CNTNAP2: variants seen among roughly 807,000 people sequenced by gnomAD.
CNTNAP2 encodes contactin-associated protein-like 2.
CNTNAP2 carries 98 observed loss-of-function variants against 155.2 expected under a neutral mutation model. That is an observed-to-expected ratio of 0.63 (90% CI 0.54 to 0.75). The LOEUF (loss-of-function observed/expected upper bound fraction) is 0.75. Ranked by LOEUF, CNTNAP2 falls within the 30% of genes least tolerant of loss-of-function variation. CNTNAP2 has a pLI of 0.00. For missense variants in CNTNAP2, 1,727 were observed against 1,688.1 expected, an observed-to-expected ratio of 1.02 and a Z score of -0.40; for synonymous variants, 651 against 631.2, an observed-to-expected ratio of 1.03 and a Z score of -0.47.
intron 3 of CNTNAP2, among the ~76,000 whole-genome samples, chr7:146,919,663 G>A (rs1035311022): frequency 2.0e-5 from 3 of 152,142 alleles, no homozygotes; most frequent in Non-Finnish European, 4.4e-5. Flanking sequence ...GCTTTTGCTC[G>A]CCTCCAGCCA....
chr7:146,174,043 A>G (rs771206556), intron 1 of CNTNAP2, among the ~76,000 whole-genome samples: 5 of 151,976 alleles, frequency 3.3e-5, no homozygotes, highest in Non-Finnish European at 7.4e-5. Flanking sequence ...TATCTCTACA[A>G]AAAACAAAAA....
At chr7:146,504,498 C>G (rs966499110) in intron 1 of CNTNAP2, among the ~76,000 whole-genome samples, 13 of 152,194 alleles carry the variant, frequency 8.5e-5, no homozygotes, top group Admixed American at 7.2e-4. Context: ...CTATCAGGTT[C>G]TGCACTACCA....
chr7:147,022,914 T>C (rs967810536), intron 3 of CNTNAP2, among the ~76,000 whole-genome samples: 1 of 152,290 alleles, frequency 6.6e-6, no homozygotes, highest in East Asian at 1.9e-4. Context: ...TAATGAATTA[T>C]ATTTGGTGTT....
chr7:147,285,888 G>T (rs1202771209), intron 8 of CNTNAP2, among the ~76,000 whole-genome samples: 2 of 151,940 alleles, frequency 1.3e-5, no homozygotes, highest in African/African-American at 4.8e-5. Context: ...ATTCCCAGTT[G>T]GATACCAAAC....
chr7:146,380,608 TA>T (rs529166068), intron 1 of CNTNAP2, among the ~76,000 whole-genome samples: 63 of 152,192 alleles, frequency 4.1e-4, no homozygotes, highest in Admixed American at 3.7e-3. Context: ...CAAAATATTT[TA>T]AAATATTTTT....
At chr7:146,485,147 G>A (rs1339628046) in intron 1 of CNTNAP2, among the ~76,000 whole-genome samples, 2 of 146,288 alleles carry the variant, frequency 1.4e-5, no homozygotes, top group Non-Finnish European at 3.0e-5. Context: ...AAATGGGAAA[G>A]TAACTGCTAA....
At chr7:146,934,700 T>G (rs1353886071) in intron 3 of CNTNAP2, among the ~76,000 whole-genome samples, 1 of 152,224 alleles carries the variant, frequency 6.6e-6, no homozygotes, top group African/African-American at 2.4e-5. Flanking sequence ...TTTTATACTA[T>G]TTTAAGCTCC....
chr7:147,046,108 G>C (rs1322439751), intron 4 of CNTNAP2, among the ~76,000 whole-genome samples: 1 of 152,152 alleles, frequency 6.6e-6, no homozygotes, highest in Non-Finnish European at 1.5e-5. Flanking sequence ...CATAGCCTGA[G>C]TGATAGGTCT....
rs181510803 is a variant in CNTNAP2, at chr7:147,546,400, T to C, written c.1778-15738T>C. 2.6e-5 allele frequency among the ~76,000 whole-genome samples: 4 copies of C among 152,288 alleles called. No homozygotes were observed. In the East Asian group the frequency reaches 7.7e-4, roughly 29 times the overall value. ...CTGTTTAATAACAGTTTATATTACT[T>C]ATATATTAATTCATTAAAAGCTGTT... is the stretch of plus-strand genomic sequence containing the variant. On this transcript the variant is annotated intron_variant, in intron 11 of 23. Transcript: ENST00000361727.
At chr7:146,128,956 G>C (rs1383939828) in intron 1 of CNTNAP2, among the ~76,000 whole-genome samples, 4 of 152,048 alleles carry the variant, frequency 2.6e-5, no homozygotes, top group Admixed American at 6.5e-5. Flanking sequence ...AGGGACTGTT[G>C]TTTAAAAGTA....
intron 11 of CNTNAP2, among the ~76,000 whole-genome samples, chr7:147,501,628 A>C (rs1434098103): frequency 6.6e-6 from 1 of 152,222 alleles, no homozygotes; most frequent in Non-Finnish European, 1.5e-5. Flanking sequence ...TAAAAAATAG[A>C]CTTTCTATTA....
chr7:146,840,947 T>A (rs907682077), intron 3 of CNTNAP2, among the ~76,000 whole-genome samples: 3 of 152,170 alleles, frequency 2.0e-5, no homozygotes, highest in African/African-American at 4.8e-5. Context: ...TATTTGTGTA[T>A]TAGGATGTAT....
At chr7:146,451,324 A>G (rs1796477898) in intron 1 of CNTNAP2, among the ~76,000 whole-genome samples, 1 of 152,182 alleles carries the variant, frequency 6.6e-6, no homozygotes, top group African/African-American at 2.4e-5. Flanking sequence ...TCTATGCCCA[A>G]TAACAGAGAT....
At chr7:147,025,062 T>A (rs1476777701) in intron 3 of CNTNAP2, among the ~76,000 whole-genome samples, 1 of 151,300 alleles carries the variant, frequency 6.6e-6, no homozygotes, top group African/African-American at 2.4e-5. Context: ...GGCAAGTGGA[T>A]CACTTGAGGT....
chr7:147,184,127 T>C (rs1456773991), intron 8 of CNTNAP2, among the ~76,000 whole-genome samples: 1 of 152,154 alleles, frequency 6.6e-6, no homozygotes, highest in Non-Finnish European at 1.5e-5. Context: ...TCCTGTAAAA[T>C]GGCCTCGGGA....
At chr7:148,087,675 C>G (rs1357514335) in intron 15 of CNTNAP2, among the ~76,000 whole-genome samples, 1 of 152,144 alleles carries the variant, frequency 6.6e-6, no homozygotes, top group Non-Finnish European at 1.5e-5. Context: ...GTCCCAGACT[C>G]ATTCCAATTT....
intron 2 of CNTNAP2, among the ~76,000 whole-genome samples, chr7:146,826,954 G>C (rs184133956): frequency 9.3e-4 from 140 of 151,228 alleles, no homozygotes; most frequent in Middle Eastern, 3.4e-3. Flanking sequence ...AACTGCTCTG[G>C]AGAAGTCTAA....
chr7:147,140,342 C>A (rs182451575), intron 8 of CNTNAP2, among the ~76,000 whole-genome samples: 1 of 151,894 alleles, frequency 6.6e-6, no homozygotes, highest in African/African-American at 2.4e-5. Flanking sequence ...GCTGCCTGTT[C>A]CCTGCCTGGA....
chr7:146,480,105 T>C (rs1434203981), intron 1 of CNTNAP2, among the ~76,000 whole-genome samples: 1 of 152,140 alleles, frequency 6.6e-6, no homozygotes. Flanking sequence ...AGTAGCACCC[T>C]CTGGGAATGA....
Sources: gnomAD v4.1 joint callset for allele counts (sites outside exome capture counted in the v4.1 genomes callset) on GRCh38, gnomAD v4.1.1 for gene constraint, MANE v1.5 for transcripts, NCBI Gene and HGNC (gene_info 2026-07-23, HGNC 2026-07-21) for gene names.